The following PANK1 variants were observed in gnomAD, a reference collection of about 807,000 sequenced individuals.
PANK1 encodes the protein pantothenate kinase 1.
In PANK1, 18 loss-of-function variants were observed where a neutral mutation model predicts 40.1. The observed-to-expected ratio is 0.45, with a 90% confidence interval of 0.31 to 0.67. The LOEUF is 0.67. PANK1 is among the 30% of genes least tolerant of loss of function. PANK1 has a pLI of 0.06. For missense variants in PANK1, 457 were observed against 599.6 expected, an observed-to-expected ratio of 0.76 and a Z score of 2.48; for synonymous variants, 242 against 237.7, an observed-to-expected ratio of 1.02 and a Z score of -0.17.
intron 6 of PANK1, among the ~76,000 whole-genome samples, chr10:89,588,095 C>A (rs953309293): frequency 1.3e-5 from 2 of 152,024 alleles, no homozygotes; most frequent in African/African-American, 4.8e-5. Context: ...CTGTGCCTGG[C>A]TTATCTTAGC....
At chr10:89,607,333 C>G (rs1844998504) in intron 2 of PANK1, among the ~76,000 whole-genome samples, 1 of 152,236 alleles carries the variant, frequency 6.6e-6, no homozygotes, top group Non-Finnish European at 1.5e-5. Context: ...AGTCAGAACA[C>G]ACAACATTTA....
chr10:89,587,991 GCCAGCCTCTGTAACCA>G lies in PANK1; in HGVS notation c.1326+645_1326+660del, dbSNP rs576312844. On this transcript the variant is annotated intron_variant, in intron 6 of 6. Transcript: ENST00000307534. ...ATGTATGTTCCCATTTCCTCTACCC[GCCAGCCTCTGTAACCA>G]CCATTCTACTCTCTGCTTCTATGAG... Among the ~76,000 whole-genome samples the G allele has an allele frequency of 1.1e-3, 173 of 152,112 alleles. 2 individuals carry two copies. Among genetic ancestry groups the G allele is most frequent in the African/African-American group, 4.0e-3 (164 of 41,502 alleles).
At chr10:89,636,398 G>C (rs866572828) in intron 1 of PANK1, among the ~76,000 whole-genome samples, 1 of 151,588 alleles carries the variant, frequency 6.6e-6, no homozygotes, top group Non-Finnish European at 1.5e-5. Flanking sequence ...TTGCAGTGGC[G>C]CGATCTCAGC....
At chr10:89,640,404 C>A (rs1225960127) in intron 1 of PANK1, among the ~76,000 whole-genome samples, 4 of 151,802 alleles carry the variant, frequency 2.6e-5, no homozygotes, top group African/African-American at 9.7e-5. Flanking sequence ...CACACACACA[C>A]ACACACACAC....
At chr10:89,614,651 G>A (rs2133968820) in intron 1 of PANK1, among the ~76,000 whole-genome samples, 2 of 152,144 alleles carry the variant, frequency 1.3e-5, no homozygotes, top group South Asian at 4.2e-4. Flanking sequence ...ACAAAAATTA[G>A]CCAGGTGTGG....
At chr10:89,628,662 T>G (rs767377381) in intron 1 of PANK1, among the ~76,000 whole-genome samples, 2 of 152,216 alleles carry the variant, frequency 1.3e-5, no homozygotes, top group Non-Finnish European at 2.9e-5. Context: ...ATGAAATACA[T>G]GGTGAATGTG....
chr10:89,627,126 G>A (rs1845681035), intron 1 of PANK1, among the ~76,000 whole-genome samples: 1 of 151,862 alleles, frequency 6.6e-6, no homozygotes, highest in Non-Finnish European at 1.5e-5. Flanking sequence ...GGCAACACAA[G>A]CTGAAATAAA....
chr10:89,591,012 C>T (rs2133925256), intron 5 of PANK1, among the ~76,000 whole-genome samples: 1 of 151,824 alleles, frequency 6.6e-6, no homozygotes, highest in Non-Finnish European at 1.5e-5. Flanking sequence ...GTTCTTTATA[C>T]TGTTCTCTCT....
At chr10:89,593,139 T>A in intron 5 of PANK1, 58 bp downstream of exon 5, 1 of 1,572,424 alleles carries the variant, frequency 6.4e-7, no homozygotes, top group East Asian at 2.2e-5. Context: ...GGTGTTGCAC[T>A]GCCAAGATGA....
chr10:89,622,573 T>C (rs1391888233), intron 1 of PANK1, among the ~76,000 whole-genome samples: 1 of 152,198 alleles, frequency 6.6e-6, no homozygotes, highest in Non-Finnish European at 1.5e-5. Context: ...TGGTTGCTCA[T>C]GCCTGTAATC....
rs10785891 is a variant in PANK1, at chr10:89,608,030, C to T, written c.645+3666G>A. On this transcript the variant is annotated intron_variant, in intron 2 of 6. Coordinates refer to ENST00000307534, the MANE Select transcript of PANK1 (RefSeq NM_148977.3). The stretch of plus-strand genomic sequence containing the variant: ...ATTTGGTTATGACAATGATCCTAAA[C>T]TTTTTTTTTTTTTTTTTTTGAGGTG... 2.2e-3 allele frequency among the ~76,000 whole-genome samples: 246 copies of T among 110,986 alleles called. 3 individuals are homozygous for T. The highest frequency in any genetic ancestry group is 3.7e-3 in the Admixed American group (40 of 10,834). 72.8% of individuals were successfully genotyped at this position (110,986 alleles called of 152,430 possible).
chr10:89,585,239 T>C (rs1026906093), intron 6 of PANK1, among the ~76,000 whole-genome samples: 4 of 152,148 alleles, frequency 2.6e-5, no homozygotes, highest in Admixed American at 6.5e-5. Context: ...TAGACCTTTT[T>C]ATAAGGATGC....
chr10:89,607,543 C>T (rs1462858320), intron 2 of PANK1, among the ~76,000 whole-genome samples: 1 of 152,114 alleles, frequency 6.6e-6, no homozygotes, highest in Non-Finnish European at 1.5e-5. Flanking sequence ...TAGACTTGCT[C>T]AATGCAGGGT....
At chr10:89,599,531 A>T in intron 2 of PANK1, 26 bp from the exon 3 acceptor site, 3 of 1,599,206 alleles carry the variant, frequency 1.9e-6, no homozygotes, top group South Asian at 2.2e-5. Flanking sequence ...CAACAAAATA[A>T]AACCTTGTGA....
chr10:89,621,414 T>C lies in PANK1; in HGVS notation c.293-9366A>G, dbSNP rs182456990. ...TTTCACAATGTACAAATTTGGTTGA[T>C]AGTATAACAAAATTATTTGATAATA... On this transcript the variant is annotated intron_variant, in intron 1 of 6. Transcript: ENST00000307534. Among the ~76,000 whole-genome samples, 66 of 152,356 alleles carry C rather than the reference T, an allele frequency of 4.3e-4. 1 individual carries two copies. The East Asian group carries it at 0.013, about 29-fold the overall frequency.
chr10:89,638,013 G>T (rs1173488985), intron 1 of PANK1, among the ~76,000 whole-genome samples: 1 of 151,970 alleles, frequency 6.6e-6, no homozygotes, highest in Non-Finnish European at 1.5e-5. Context: ...CAAAGTCAGG[G>T]TCATCAATAT....
intron 1 of PANK1, chr10:89,643,719 C>A: frequency 1.9e-6 from 3 of 1,613,854 alleles, no homozygotes; most frequent in Non-Finnish European, 2.5e-6. Context: ...CATTTATAAG[C>A]TTCATTAAAG....
At chr10:89,611,634 G>A (rs1845155487) in intron 2 of PANK1, 62 bp downstream of exon 2, 2 of 1,205,888 alleles carry the variant, frequency 1.7e-6, no homozygotes, top group African/African-American at 3.0e-5. Context: ...TTCGGTATGA[G>A]TGGCCATGAT....
intron 2 of PANK1, among the ~76,000 whole-genome samples, chr10:89,608,127 G>T (rs1403089391): frequency 6.6e-6 from 1 of 151,508 alleles, no homozygotes; most frequent in African/African-American, 2.4e-5. Flanking sequence ...TGCCTCCTGG[G>T]TTCACGCCAT....
Sources: gnomAD v4.1 joint callset for allele counts (sites outside exome capture counted in the v4.1 genomes callset) on GRCh38, gnomAD v4.1.1 for gene constraint, MANE v1.5 for transcripts, NCBI Gene and HGNC (gene_info 2026-07-23, HGNC 2026-07-21) for gene names.